Variants in RABL6 observed in about 807,000 individuals in gnomAD.
RABL6 encodes RAB, member RAS oncogene family like 6, also known as rab-like protein 6.
A neutral mutation model predicts 72.9 loss-of-function variants in RABL6; 28 were observed. The ratio of observed to expected loss-of-function variants is 0.38; its 90% CI spans 0.28 to 0.53. The LOEUF (loss-of-function observed/expected upper bound fraction) is 0.53. Among genes scored for constraint, RABL6 ranks in the 20% least tolerant of loss-of-function variants. RABL6 has a pLI of 0.80. For synonymous variants in RABL6, 477 were observed against 421.2 expected (o/e 1.13, Z -1.62); for missense variants, 1,029 against 1,008.4 (o/e 1.02, Z -0.28).
chr9:136,837,256 CCAG>C lies in RABL6; in HGVS notation c.810-77_810-75del, dbSNP rs765753642. Reference sequence around the variant, plus strand: ...CAGAACACAGTGGCTCTTCCCAGCCCCAGCAGCAGCAGCAGAGAGCCCCCTGTC... The same window carrying C: ...CAGAACACAGTGGCTCTTCCCAGCCCCAGCAGCAGCAGAGAGCCCCCTGTC... On this transcript the variant is annotated intron_variant, in intron 8 of 14. Transcript: ENST00000311502. The C allele has an allele frequency of 1.0e-3, 1,453 of 1,384,298 alleles. 2 individuals carry two copies. The highest frequency in any genetic ancestry group is 5.7e-3 in the African/African-American group (397 of 69,660). 85.8% of individuals were successfully genotyped at this position (1,384,298 alleles called of 1,614,324 possible).
Position 136,831,575 on chromosome 9 carries a change from G to A in RABL6, c.459-146G>A, listed in dbSNP as rs935135710. On this transcript the variant is annotated intron_variant, in intron 5 of 14. Coordinates refer to ENST00000311502, the MANE Select transcript of RABL6 (RefSeq NM_024718.5). Reference sequence around the variant, plus strand: ...CCTCGAGGCACTTCCCTCTAGCTCTGCATGCACGAGGCATGCTTCTGCTGG... The same window carrying A: ...CCTCGAGGCACTTCCCTCTAGCTCTACATGCACGAGGCATGCTTCTGCTGG... The A allele has an allele frequency of 2.5e-6, 3 of 1,193,316 alleles. No homozygotes were observed. In the African/African-American group the frequency reaches 4.5e-5, roughly 18 times the overall value. The allele number at this position is 1,193,316 out of a possible 1,614,324, so 73.9% of individuals were successfully genotyped here.
chr9:136,831,971 C>T lies in RABL6; in HGVS notation c.599+110C>T, dbSNP rs565086099. 49 of 1,416,426 alleles carry T rather than the reference C, an allele frequency of 3.5e-5. 2 individuals are homozygous for T. In the South Asian group the frequency reaches 3.9e-4, roughly 11 times the overall value. 87.7% of individuals were successfully genotyped at this position (1,416,426 alleles called of 1,614,324 possible). On this transcript the variant is annotated intron_variant, in intron 6 of 14. Transcript: ENST00000311502. ...GGGTTAACGTTAGCATGGGGCCCGG[C>T]GGATGTGGGTCTCGCCGCTGAGTGG...
chr9:136,826,051 CTGAG>C lies in RABL6; in HGVS notation c.313+229_313+232del, dbSNP rs1588359849. ...TGCTGCTTTAGCATACTCCCCGTCTCTGAGTGACCGCGTGCACGGTGGCGGCAGG... is the reference window on the plus strand; with the variant it reads ...TGCTGCTTTAGCATACTCCCCGTCTCTGACCGCGTGCACGGTGGCGGCAGG... On this transcript the variant is annotated intron_variant, in intron 3 of 14. Coordinates refer to ENST00000311502, the MANE Select transcript of RABL6 (RefSeq NM_024718.5). This position sits in a 1 kb window ranked among gnomAD's most constrained non-coding sequence, Gnocchi z 4.9. Among the ~76,000 whole-genome samples the C allele has an allele frequency of 6.6e-6, 1 of 152,342 alleles. No homozygotes were observed. Among genetic ancestry groups the C allele is most frequent in the East Asian group, 1.9e-4 (1 of 5,188 alleles).
intron 1 of RABL6, among the ~76,000 whole-genome samples, chr9:136,823,302 C>T (rs1381314275): frequency 6.6e-6 from 1 of 152,058 alleles, no homozygotes; most frequent in East Asian, 1.9e-4. Flanking sequence ...GCCCGGTTCG[C>T]CGTTGATGCT....
intron 1 of RABL6, among the ~76,000 whole-genome samples, chr9:136,818,609 G>T (rs887153872): frequency 1.3e-5 from 2 of 151,928 alleles, no homozygotes; most frequent in African/African-American, 4.8e-5. Context: ...GCCAGGCATG[G>T]TGGTGCGTAC....
chr9:136,841,152 T>G lies in RABL6; in HGVS notation c.*630T>G, dbSNP rs755833867. ...GCCGGGAGGCACTCCTCCCAAACAC[T>G]CCACTCAGACCATAAAGCACTCCTG... On this transcript the variant is annotated 3_prime_UTR_variant, in exon 15 of 15. Transcript: ENST00000311502. 49 of 875,836 alleles carry G rather than the reference T, an allele frequency of 5.6e-5. No individual in the cohort carries two copies. Among genetic ancestry groups the G allele is most frequent in the Non-Finnish European group, 7.2e-5 (45 of 621,548 alleles). 54.3% of individuals were successfully genotyped at this position (875,836 alleles called of 1,614,324 possible).
At chr9:136,820,532 C>T (rs938385061) in intron 1 of RABL6, among the ~76,000 whole-genome samples, 22 of 152,138 alleles carry the variant, frequency 1.4e-4, no homozygotes, top group African/African-American at 4.6e-4. Flanking sequence ...CCACCACACC[C>T]GGCTAATTTT....
chr9:136,819,591 A>G (rs1238203675), intron 1 of RABL6, among the ~76,000 whole-genome samples: 1 of 152,206 alleles, frequency 6.6e-6, no homozygotes, highest in Non-Finnish European at 1.5e-5. Context: ...TGGAAACAAG[A>G]CACTAGGTAA....
Position 136,835,477 on chromosome 9 carries a change from G to A in RABL6, c.706-265G>A, listed in dbSNP as rs1848568794. ...TGTGGGTGGGGGTGCTTGCTGTTGA[G>A]GTTTATGCCTGTGACTGACAGCTGT... On this transcript the variant is annotated intron_variant, in intron 7 of 14. Transcript: ENST00000311502. 1.6e-5 allele frequency: 7 copies of A among 438,668 alleles called. No homozygotes were observed. The South Asian group carries it at 2.5e-4, about 16-fold the overall frequency. 27.2% of individuals were successfully genotyped at this position (438,668 alleles called of 1,614,324 possible).
In RABL6 at chr9:136,839,136, C is replaced by T; in HGVS notation, c.1493+15C>T. ...GAGACCAAGTGGTAAGGGCAGGTGTCCCCACGGGTGCGGCCTGGAGACCCG... is the reference window on the plus strand; with the variant it reads ...GAGACCAAGTGGTAAGGGCAGGTGTTCCCACGGGTGCGGCCTGGAGACCCG... On this transcript the variant is annotated intron_variant, in intron 11 of 14. Coordinates refer to ENST00000311502, the MANE Select transcript of RABL6 (RefSeq NM_024718.5). The T allele has an allele frequency of 6.2e-7, 1 of 1,610,484 alleles. No homozygotes were observed. The highest frequency in any genetic ancestry group is 8.5e-7 in the Non-Finnish European group (1 of 1,178,552).
chr9:136,822,194 T>TGGG, intron 1 of RABL6: 1 of 861,068 alleles, frequency 1.2e-6, no homozygotes, highest in Non-Finnish European at 1.6e-6. Flanking sequence ...ACAGAAAACC[T>TGGG]GGGGGGGGCG....
rs1259872047 is a variant in RABL6, at chr9:136,823,679, C to T, written c.265+20C>T. On this transcript the variant is annotated intron_variant, in intron 2 of 14. Transcript: ENST00000311502. The stretch of plus-strand genomic sequence containing the variant: ...ACAAGAGTAAGTGTGGTGGGTGCCC[C>T]AGTGGGTTCGGGCTCCAGGCTTCTC... 1.3e-6 allele frequency: 2 copies of T among 1,592,128 alleles called. No homozygotes were observed. Among genetic ancestry groups the T allele is most frequent in the Admixed American group, 1.7e-5 (1 of 58,086 alleles).
intron 1 of RABL6, chr9:136,812,905 T>A: frequency 2.8e-6 from 1 of 352,868 alleles, no homozygotes; most frequent in Non-Finnish European, 5.6e-6. Flanking sequence ...TTCCTCTACC[T>A]CCATCACAAC....
rs1848632675 is a variant in RABL6, at chr9:136,838,895, C to T, written c.1281-14C>T. The T allele has an allele frequency of 3.9e-6, 6 of 1,557,366 alleles. No individual in the cohort carries two copies. Among genetic ancestry groups the T allele is most frequent in the East Asian group, 4.6e-5 (2 of 43,340 alleles). ...ACCCCGTGGCCCTTGACCGCTTTGCCCCCTGCTTTGCAGTGATGGGGAGGC... is the reference window on the plus strand; with the variant it reads ...ACCCCGTGGCCCTTGACCGCTTTGCTCCCTGCTTTGCAGTGATGGGGAGGC... On this transcript the variant is annotated splice_polypyrimidine_tract_variant and intron_variant, in intron 10 of 14. Coordinates refer to ENST00000311502, the MANE Select transcript of RABL6 (RefSeq NM_024718.5).
chr9:136,823,658 G>GAGTA lies in RABL6; in HGVS notation c.265+3_265+6dup. 3.1e-6 allele frequency: 5 copies of GAGTA among 1,607,236 alleles called. No homozygotes were observed. The South Asian group carries it at 5.5e-5, about 18-fold the overall frequency. On this transcript the variant is annotated frameshift_variant and splice_region_variant, in exon 2 of 15. Coordinates refer to ENST00000311502, the MANE Select transcript of RABL6 (RefSeq NM_024718.5). LOFTEE classifies it high-confidence loss of function. The stretch of plus-strand genomic sequence containing the variant: ...TCACCAGCATCCACTGGAGCTACAA[G>GAGTA]AGTAAGTGTGGTGGGTGCCCCAGTG...
intron 7 of RABL6, 32 bp downstream of exon 7, chr9:136,832,402 G>A: frequency 1.3e-6 from 2 of 1,530,934 alleles, no homozygotes; most frequent in Non-Finnish European, 1.8e-6. Context: ...TGGAGTGGCT[G>A]CTGGTCTCTC....
Position 136,829,530 on chromosome 9 carries a change from C to G in RABL6, c.458+46C>G, listed in dbSNP as rs1327181716. 7.3e-6 allele frequency: 11 copies of G among 1,509,364 alleles called. No individual in the cohort carries two copies. The East Asian group carries it at 2.7e-4, about 37-fold the overall frequency. 93.5% of individuals were successfully genotyped at this position (1,509,364 alleles called of 1,614,324 possible). ...GCAGCTGCCTGTGACTCTCACCCCC[C>G]TAGCCCCTTGGGCGCCCTCTTTGTG... On this transcript the variant is annotated intron_variant, in intron 5 of 14. Transcript: ENST00000311502.
chr9:136,831,804 G>A lies in RABL6; in HGVS notation c.542G>A (p.Gly181Asp). ...VCVLGNYRDM[G>D]EHRVILPDDV... ...GTGCTGGGAAACTACCGGGACATGG[G>A]CGAGCACCGAGTCATCCTGCCGGAC... is the stretch of plus-strand genomic sequence containing the variant. Residue 181 changes from glycine to aspartate, a missense_variant, in exon 6 of 15, where the codon GGC (glycine) becomes GAC (aspartate). Gly to Asp is a moderately conservative substitution (Grantham distance 94). Around this residue, in one of 2 missense-constraint regions of RABL6, gnomAD observed 434 missense variants for 536.1 expected, o/e 0.81. Transcript: ENST00000311502. 1 of 1,613,322 alleles carries A rather than the reference G, an allele frequency of 6.2e-7. No homozygotes were observed. Among genetic ancestry groups the A allele is most frequent in the Non-Finnish European group, 8.5e-7 (1 of 1,179,812 alleles).
At chr9:136,835,906 G>C in intron 8 of RABL6, 61 bp downstream of exon 8, 1 of 1,445,762 alleles carries the variant, frequency 6.9e-7, no homozygotes, top group Non-Finnish European at 9.5e-7. Context: ...CCGTGGTGCA[G>C]GGCCATGGGC....
Sources: allele counts gnomAD v4.1 joint callset (sites outside exome capture counted in the v4.1 genomes callset), GRCh38; gene constraint gnomAD v4.1.1; regional missense constraint gnomAD v4.1.1; non-coding constraint Gnocchi (gnomAD v3.1); transcripts MANE v1.5; gene names NCBI Gene and HGNC (gene_info 2026-07-23, HGNC 2026-07-21).